The following KCNH5 variants were observed in gnomAD, a reference collection of about 807,000 sequenced individuals.
The protein encoded by KCNH5 is potassium voltage-gated channel subfamily H member 5, also known as voltage-gated delayed rectifier potassium channel KCNH5.
Under a neutral mutation model 96.1 loss-of-function variants are expected in KCNH5, and 46 were observed. The observed-to-expected ratio is 0.48, with a 90% CI of 0.38 to 0.61. The LOEUF (loss-of-function observed/expected upper bound fraction) is 0.61. Ranked by LOEUF, KCNH5 falls within the 20% of genes least tolerant of loss-of-function variation. KCNH5 has a pLI of 0.00. For missense variants in KCNH5, 907 were observed against 1,225.8 expected, an observed-to-expected ratio of 0.74 and a Z score of 3.88; for synonymous variants, 439 against 449.8, an observed-to-expected ratio of 0.98 and a Z score of 0.30.
chr14:62,808,316 A>G (rs1886810330), intron 8 of KCNH5, among the ~76,000 whole-genome samples: 1 of 152,140 alleles, frequency 6.6e-6, no homozygotes, highest in African/African-American at 2.4e-5. Flanking sequence ...AATTAACTGT[A>G]AAAGATTCTG....
rs762189586 is a variant in KCNH5, at chr14:62,705,074, C to A, written c.*2434G>T. ...ACCATAATTAAACAATTGATACTTT[C>A]CCTCCTTCCTAACAATCTGGAGTAA... On this transcript the variant is annotated 3_prime_UTR_variant, in exon 11 of 11. Coordinates refer to ENST00000322893, the MANE Select transcript of KCNH5 (RefSeq NM_139318.5). The A allele has an allele frequency of 2.6e-5, 4 of 151,958 alleles. No individual in the cohort carries two copies. The highest frequency in any genetic ancestry group is 4.4e-5 in the Non-Finnish European group (3 of 67,856). The allele number at this position is 151,958 out of a possible 1,614,324, so 9.4% of individuals were successfully genotyped here. A position where few individuals can be genotyped will look rare whatever the true frequency, so the allele number is the denominator to read the frequency against.
intron 9 of KCNH5, among the ~76,000 whole-genome samples, chr14:62,798,810 G>A (rs1240994318): frequency 1.3e-5 from 2 of 152,124 alleles, no homozygotes; most frequent in Non-Finnish European, 2.9e-5. Flanking sequence ...TGCCTATCGA[G>A]AGACTGTTTA....
chr14:62,809,370 A>G (rs1262672578), intron 8 of KCNH5, among the ~76,000 whole-genome samples: 1 of 152,142 alleles, frequency 6.6e-6, no homozygotes, highest in African/African-American at 2.4e-5. Flanking sequence ...TCCTTTAAGG[A>G]ATCAAACTTG....
intron 7 of KCNH5, chr14:62,949,800 C>CTTTT: frequency 1.8e-5 from 3 of 167,918 alleles, no homozygotes; most frequent in South Asian, 9.9e-5. Flanking sequence ...GATCCTATCT[C>CTTTT]TTTTTTTTTT....
rs1405096755 is a variant in KCNH5 at position 62,704,748 on chromosome 14, G to A, written c.*2760C>T. ...CACCAAGAGCATCTATACAGTGTAG[G>A]AATAAAACATGCAGTTATCTGGTCC... On this transcript the variant is annotated 3_prime_UTR_variant, in exon 11 of 11. Coordinates refer to ENST00000322893, the MANE Select transcript of KCNH5 (RefSeq NM_139318.5). 1 of 151,682 alleles carries A rather than the reference G, an allele frequency of 6.6e-6. No homozygotes were observed. The highest frequency in any genetic ancestry group is 2.4e-5 in the African/African-American group (1 of 41,356). The allele number at this position is 151,682 out of a possible 1,614,324, so 9.4% of individuals were successfully genotyped here.
intron 7 of KCNH5, among the ~76,000 whole-genome samples, chr14:62,852,576 A>G (rs1219736159): frequency 1.4e-5 from 2 of 147,952 alleles, no homozygotes; most frequent in East Asian, 2.0e-4. Context: ...GCACAGTACA[A>G]TTAACCAAAC....
chr14:62,908,780 G>GTCTTCTTTTTTTT (rs1451340124), intron 7 of KCNH5, among the ~76,000 whole-genome samples: 1 of 19,802 alleles, frequency 5.0e-5, no homozygotes, highest in Non-Finnish European at 9.5e-5. Context: ...ATTTTGCTTT[G>GTCTTCTTTTTTTT]TATTTTTTTT....
intron 7 of KCNH5, among the ~76,000 whole-genome samples, chr14:62,868,095 A>G (rs953536451): frequency 2.1e-4 from 32 of 152,264 alleles, no homozygotes; most frequent in African/African-American, 7.0e-4. Flanking sequence ...TCAATGCAGA[A>G]TGAACAAATC....
At chr14:62,951,395 A>G (rs1052438567) in intron 6 of KCNH5, among the ~76,000 whole-genome samples, 2 of 152,220 alleles carry the variant, frequency 1.3e-5, no homozygotes, top group Non-Finnish European at 2.9e-5. Context: ...CAGAGGTAGG[A>G]TAAGTTCATT....
chr14:63,024,142 G>C lies in KCNH5; in HGVS notation c.74-7188C>G, dbSNP rs534966755. ...GAGAATCACTTGAACCCGGGAGGTA[G>C]AAGTTGCAGTGAACCGAGATCATGC... On this transcript the variant is annotated intron_variant, in intron 1 of 10. Coordinates refer to ENST00000322893, the MANE Select transcript of KCNH5 (RefSeq NM_139318.5). Among the ~76,000 whole-genome samples the C allele has an allele frequency of 7.2e-5, 11 of 152,018 alleles. No individual in the cohort carries two copies. The East Asian group carries it at 2.1e-3, about 29-fold the overall frequency.
chr14:62,712,402 G>A (rs532581462), intron 10 of KCNH5: 139 of 454,584 alleles, frequency 3.1e-4, no homozygotes, highest in Non-Finnish European at 4.7e-4. Flanking sequence ...AACATTTTAC[G>A]AGCTAGGACC....
At chr14:63,013,418 G>T (rs978681824) in intron 2 of KCNH5, among the ~76,000 whole-genome samples, 7 of 151,982 alleles carry the variant, frequency 4.6e-5, no homozygotes, top group African/African-American at 1.7e-4. Flanking sequence ...TCTTATGTCT[G>T]TCTAAAAACT....
At chr14:63,035,114 G>A (rs918802782) in intron 1 of KCNH5, among the ~76,000 whole-genome samples, 5 of 152,020 alleles carry the variant, frequency 3.3e-5, no homozygotes, top group African/African-American at 1.2e-4. Flanking sequence ...CATAATCTTG[G>A]GGAATAAAAG....
intron 9 of KCNH5, among the ~76,000 whole-genome samples, chr14:62,799,726 T>TATATATATACACAC (rs1213484157): frequency 3.2e-4 from 22 of 68,656 alleles, no homozygotes; most frequent in East Asian, 1.7e-3. Context: ...TATATATATA[T>TATATATATACACAC]ACACACACAC....
At chr14:62,784,111 G>A (rs1886273294) in intron 9 of KCNH5, among the ~76,000 whole-genome samples, 1 of 152,122 alleles carries the variant, frequency 6.6e-6, no homozygotes, top group Non-Finnish European at 1.5e-5. Flanking sequence ...GTTCTACATG[G>A]CTGGGGAGGC....
chr14:62,712,836 G>A (rs900697900), intron 10 of KCNH5: 1 of 695,810 alleles, frequency 1.4e-6, no homozygotes, highest in Non-Finnish European at 2.7e-6. Flanking sequence ...CCAAAGCAGA[G>A]CCAGTAGGCT....
chr14:62,840,201 G>T (rs1887548111), intron 8 of KCNH5, among the ~76,000 whole-genome samples: 1 of 152,032 alleles, frequency 6.6e-6, no homozygotes, highest in African/African-American at 2.4e-5. Flanking sequence ...CCATTATATA[G>T]ATCTTTCTTA....
intron 6 of KCNH5, among the ~76,000 whole-genome samples, chr14:62,973,536 T>C (rs1186173655): frequency 6.6e-6 from 1 of 152,152 alleles, no homozygotes; most frequent in Non-Finnish European, 1.5e-5. Context: ...TTTGCTCTTC[T>C]GCCTTCCACC....
At chr14:62,930,927 G>A (rs979560489) in intron 7 of KCNH5, among the ~76,000 whole-genome samples, 1 of 152,086 alleles carries the variant, frequency 6.6e-6, no homozygotes, top group African/African-American at 2.4e-5. Flanking sequence ...TTAACCCTAT[G>A]TGAAAAGTTT....
Sources: gnomAD v4.1 joint callset for allele counts (sites outside exome capture counted in the v4.1 genomes callset) on GRCh38, gnomAD v4.1.1 for gene constraint, MANE v1.5 for transcripts, NCBI Gene and HGNC (gene_info 2026-07-23, HGNC 2026-07-21) for gene names.